Variants in HMGCLL1 observed in about 807,000 individuals in gnomAD.
HMGCLL1 encodes the protein 3-hydroxymethyl-3-methylglutaryl-CoA lyase, cytoplasmic.
Under a neutral mutation model 39.1 loss-of-function variants are expected in HMGCLL1, and 36 were observed. The ratio of observed to expected loss-of-function variants is 0.92; its 90% CI spans 0.71 to 1.22. The LOEUF is 1.22. Ranked by LOEUF, HMGCLL1 falls within the 50% of genes most tolerant of loss-of-function variation. HMGCLL1 has a pLI of 0.00. For synonymous variants in HMGCLL1, 149 were observed against 144.0 expected (o/e 1.03, Z -0.25); for missense variants, 451 against 416.5 (o/e 1.08, Z -0.72).
At chr6:55,529,464 A>G (rs1316751012) in intron 3 of HMGCLL1, among the ~76,000 whole-genome samples, 2 of 151,244 alleles carry the variant, frequency 1.3e-5, no homozygotes, top group Non-Finnish European at 2.9e-5. Flanking sequence ...ACTGGTAATA[A>G]GACACTGGAA....
At chr6:55,609,120 C>G in the HMGCLL1 span, among the ~76,000 whole-genome samples, 1 of 152,222 alleles carries the variant, frequency 6.6e-6, no homozygotes, top group African/African-American at 2.4e-5. Flanking sequence ...AATCACAGAG[C>G]CTTGCAGATT....
At chr6:55,579,641 A>G (rs2127481644), upstream of HMGCLL1, among the ~76,000 whole-genome samples, 1 of 152,328 alleles carries the variant, frequency 6.6e-6, no homozygotes, top group Middle Eastern at 3.4e-3. Context: ...AATGAAAAGG[A>G]AAAGATAGTC....
intron 3 of HMGCLL1, among the ~76,000 whole-genome samples, chr6:55,519,997 T>C (rs1767953672): frequency 6.8e-6 from 1 of 148,146 alleles, no homozygotes; most frequent in Non-Finnish European, 1.5e-5. Context: ...AATCAATAGA[T>C]CAAGAAAACC....
At chr6:55,543,984 G>A (rs1004387365) in intron 1 of HMGCLL1, among the ~76,000 whole-genome samples, 1 of 151,974 alleles carries the variant, frequency 6.6e-6, no homozygotes, top group African/African-American at 2.4e-5. Flanking sequence ...TTTGGGAATT[G>A]GGCCCAGAAA....
intron 7 of HMGCLL1, among the ~76,000 whole-genome samples, chr6:55,465,450 T>G (rs1764757049): frequency 6.6e-6 from 1 of 152,048 alleles, no homozygotes; most frequent in African/African-American, 2.4e-5. Flanking sequence ...CTAATTATTT[T>G]TTATCATTTA....
the HMGCLL1 span, among the ~76,000 whole-genome samples, chr6:55,614,786 C>T: frequency 6.6e-5 from 10 of 152,130 alleles, no homozygotes; most frequent in African/African-American, 2.4e-4. Context: ...TTCAAGAATT[C>T]TTACAATAAA....
chr6:55,593,743 C>A, the HMGCLL1 span, among the ~76,000 whole-genome samples: 4 of 152,108 alleles, frequency 2.6e-5, no homozygotes, highest in Non-Finnish European at 5.9e-5. Context: ...ACAACCTATA[C>A]CTAACTTACA....
chr6:55,554,240 G>T (rs1399457259), intron 1 of HMGCLL1, among the ~76,000 whole-genome samples: 3 of 152,144 alleles, frequency 2.0e-5, no homozygotes, highest in Non-Finnish European at 4.4e-5. Flanking sequence ...TTAGAGGCAA[G>T]AGTATCAAAA....
chr6:55,527,137 T>C (rs73449059), intron 3 of HMGCLL1, among the ~76,000 whole-genome samples: 1 of 152,080 alleles, frequency 6.6e-6, no homozygotes, highest in Non-Finnish European at 1.5e-5. Context: ...TATATCTTCA[T>C]CTTAGTCACT....
the HMGCLL1 span, among the ~76,000 whole-genome samples, chr6:55,608,668 C>T: frequency 6.6e-6 from 1 of 152,204 alleles, no homozygotes; most frequent in East Asian, 1.9e-4. Flanking sequence ...TTTCCAGTCT[C>T]ACCTAAAATA....
chr6:55,488,636 GA>G (rs894623454), intron 7 of HMGCLL1, among the ~76,000 whole-genome samples: 2 of 151,216 alleles, frequency 1.3e-5, no homozygotes, highest in African/African-American at 4.9e-5. Flanking sequence ...TAAGTAAATG[GA>G]AAAAAAACTG....
At position 55,499,369 on chromosome 6, in the gene HMGCLL1, G is replaced by GC. The variant is rs1237289488; in HGVS notation, c.543-71_543-70insG. ...GCCATTTCCATTTTATAAAAATTAA[G>GC]AATTAGCTGAAACTGCATCAAGAAA... is the stretch of plus-strand genomic sequence containing the variant. On this transcript the variant is annotated intron_variant, in intron 5 of 8. Coordinates refer to ENST00000274901, the MANE Select transcript of HMGCLL1 (RefSeq NM_001042406.2). The GC allele has an allele frequency of 5.8e-5, 69 of 1,179,784 alleles. No homozygotes were observed. In the East Asian group the frequency reaches 1.7e-3, roughly 29 times the overall value. 73.1% of individuals were successfully genotyped at this position (1,179,784 alleles called of 1,614,324 possible).
chr6:55,664,855 C>T, the HMGCLL1 span, among the ~76,000 whole-genome samples: 1 of 151,600 alleles, frequency 6.6e-6, no homozygotes, highest in Non-Finnish European at 1.5e-5. Context: ...ACACATATGG[C>T]AAATCCTCAC....
the HMGCLL1 span, among the ~76,000 whole-genome samples, chr6:55,639,353 T>C: frequency 1.3e-5 from 2 of 151,222 alleles, no homozygotes; most frequent in African/African-American, 4.9e-5. Flanking sequence ...AGTTATTTCA[T>C]AAATTCTTTA....
intron 8 of HMGCLL1, among the ~76,000 whole-genome samples, chr6:55,437,507 G>A (rs1763418937): frequency 6.6e-6 from 1 of 151,984 alleles, no homozygotes; most frequent in Non-Finnish European, 1.5e-5. Flanking sequence ...TATAAAAGAG[G>A]ATGGAGGATA....
chr6:55,674,500 G>T, the HMGCLL1 span, among the ~76,000 whole-genome samples: 1 of 151,954 alleles, frequency 6.6e-6, no homozygotes, highest in Non-Finnish European at 1.5e-5. Context: ...GCACTAAATT[G>T]TGAAAAGCAA....
the HMGCLL1 span, among the ~76,000 whole-genome samples, chr6:55,603,435 A>G: frequency 7.0e-6 from 1 of 143,248 alleles, no homozygotes; most frequent in Non-Finnish European, 1.5e-5. Context: ...CTTGCTACAC[A>G]CAAATATCTA....
chr6:55,533,885 CAAAAAA>C (rs70986727), intron 3 of HMGCLL1, among the ~76,000 whole-genome samples: 1 of 71,724 alleles, frequency 1.4e-5, no homozygotes, highest in Non-Finnish European at 2.8e-5. Flanking sequence ...GACTCCGTCT[CAAAAAA>C]AAAAAAAAAG....
chr6:55,489,082 AAAG>A (rs1457483387), intron 7 of HMGCLL1, among the ~76,000 whole-genome samples: 8 of 152,090 alleles, frequency 5.3e-5, no homozygotes, highest in African/African-American at 1.9e-4. Context: ...CCAATGTTCC[AAAG>A]GAAAAGTCTG....
Sources: allele counts gnomAD v4.1 joint callset (sites outside exome capture counted in the v4.1 genomes callset), GRCh38; gene constraint gnomAD v4.1.1; transcripts MANE v1.5; gene names NCBI Gene and HGNC (gene_info 2026-07-23, HGNC 2026-07-21).